TSHZ2: variants seen among roughly 807,000 people sequenced by gnomAD.
TSHZ2 encodes the protein teashirt homolog 2.
Under a neutral mutation model 74.4 loss-of-function variants are expected in TSHZ2, and 21 were observed. The ratio of observed to expected loss-of-function variants is 0.28; its 90% CI spans 0.20 to 0.41. The LOEUF is 0.41. Among genes scored for constraint, TSHZ2 ranks in the 10% least tolerant of loss-of-function variants. The probability of loss-of-function intolerance (pLI) is 1.00; values close to 1 mark genes in which losing one functional copy is unlikely to be tolerated. For synonymous variants in TSHZ2, 540 were observed against 515.3 expected (o/e 1.05, Z -0.65); for missense variants, 1,244 against 1,293.5 (o/e 0.96, Z 0.59).
At chr20:53,162,045 C>A (rs1210743929) in intron 1 of TSHZ2, among the ~76,000 whole-genome samples, 1 of 152,160 alleles carries the variant, frequency 6.6e-6, no homozygotes, top group East Asian at 1.9e-4. Context: ...AACCTCAACC[C>A]TTGTCATCTG....
intron 1 of TSHZ2, among the ~76,000 whole-genome samples, chr20:53,066,211 T>A (rs1984979769): frequency 6.6e-6 from 1 of 152,084 alleles, no homozygotes; most frequent in African/African-American, 2.4e-5. Context: ...TGCTCTTGAA[T>A]CGCCAAACTC....
At chr20:53,059,793 C>A (rs183400971) in intron 1 of TSHZ2, among the ~76,000 whole-genome samples, 3 of 152,272 alleles carry the variant, frequency 2.0e-5, no homozygotes, top group Non-Finnish European at 4.4e-5. Flanking sequence ...AGAACTAAAG[C>A]GACTGTCTTT....
At chr20:53,427,653 T>C (rs1040320725) in intron 2 of TSHZ2, among the ~76,000 whole-genome samples, 3 of 152,210 alleles carry the variant, frequency 2.0e-5, no homozygotes, top group East Asian at 1.9e-4. Context: ...ATAGCTAAGT[T>C]TGAATAAGAG....
intron 1 of TSHZ2, among the ~76,000 whole-genome samples, chr20:53,087,022 G>C (rs13040883): frequency 0.23 from 35,356 of 152,120 alleles, 5,069 homozygotes; most frequent in Non-Finnish European, 0.32. Flanking sequence ...GCCAAGCATG[G>C]CTCTGCGGAG....
At chr20:53,225,232 A>G (rs947526677) in intron 1 of TSHZ2, among the ~76,000 whole-genome samples, 3 of 152,182 alleles carry the variant, frequency 2.0e-5, no homozygotes, top group Admixed American at 6.5e-5. Flanking sequence ...TTGAAGGCAG[A>G]CCCACTCTTC....
At chr20:53,251,188 T>G (rs11697104) in intron 1 of TSHZ2, among the ~76,000 whole-genome samples, 38,835 of 151,974 alleles carry the variant, frequency 0.26, 5,211 homozygotes, top group Non-Finnish European at 0.28. Flanking sequence ...GTCACATGTC[T>G]TAGTTGGCCT....
intron 1 of TSHZ2, 68 bp downstream of exon 1, chr20:52,973,401 T>TG: frequency 6.5e-7 from 1 of 1,536,354 alleles, no homozygotes; most frequent in South Asian, 1.2e-5. Flanking sequence ...TCCTTGCCCC[T>TG]GGGTGCCCGG....
At chr20:53,253,380 A>G in intron 1 of TSHZ2, 119 bp from the exon 2 acceptor site, 1 of 1,475,966 alleles carries the variant, frequency 6.8e-7, no homozygotes, top group Non-Finnish European at 8.9e-7. Context: ...CACAGTGCAT[A>G]AAAATGTAGA....
At chr20:53,083,838 AT>A (rs11483186) in intron 1 of TSHZ2, among the ~76,000 whole-genome samples, 19 of 151,858 alleles carry the variant, frequency 1.3e-4, no homozygotes, top group South Asian at 2.1e-4. Context: ...GGGAATGTCT[AT>A]TTTTTTTATA....
At chr20:53,105,085 A>G (rs1986325004) in intron 1 of TSHZ2, among the ~76,000 whole-genome samples, 1 of 152,332 alleles carries the variant, frequency 6.6e-6, no homozygotes, top group Non-Finnish European at 1.5e-5. Context: ...AGTAGTCAAA[A>G]GAGAGTCACT....
At chr20:53,186,849 T>G (rs920867431) in intron 1 of TSHZ2, among the ~76,000 whole-genome samples, 2 of 152,036 alleles carry the variant, frequency 1.3e-5, no homozygotes, top group African/African-American at 4.8e-5. Flanking sequence ...AATCTAAACA[T>G]GAAAGCTTGT....
intron 1 of TSHZ2, among the ~76,000 whole-genome samples, chr20:53,135,321 C>T (rs761331379): frequency 1.3e-5 from 2 of 152,168 alleles, no homozygotes; most frequent in Admixed American, 6.5e-5. Context: ...TACCCTACTC[C>T]CGGTCAACCT....
At chr20:53,343,283 A>T (rs1274924856) in intron 2 of TSHZ2, among the ~76,000 whole-genome samples, 67 of 152,086 alleles carry the variant, frequency 4.4e-4, no homozygotes, top group Non-Finnish European at 1.6e-4. Flanking sequence ...CGTATTTCTA[A>T]CAAGACGGCA....
At chr20:53,187,956 C>A (rs1037344304) in intron 1 of TSHZ2, among the ~76,000 whole-genome samples, 1 of 152,144 alleles carries the variant, frequency 6.6e-6, no homozygotes, top group Admixed American at 6.5e-5. Context: ...ACATGGCTCA[C>A]CCTCTCCATA....
chr20:53,084,909 G>A (rs770172528), intron 1 of TSHZ2, among the ~76,000 whole-genome samples: 1 of 151,998 alleles, frequency 6.6e-6, no homozygotes, highest in Non-Finnish European at 1.5e-5. Flanking sequence ...TTTCTGTGTA[G>A]ACATTAATAA....
At chr20:53,458,400 G>T (rs1471265438) in intron 2 of TSHZ2, among the ~76,000 whole-genome samples, 1 of 152,052 alleles carries the variant, frequency 6.6e-6, no homozygotes, top group Non-Finnish European at 1.5e-5. Context: ...GGGATCAGTG[G>T]TGATATCCCC....
At chr20:53,093,074 C>A (rs1985933036) in intron 1 of TSHZ2, among the ~76,000 whole-genome samples, 1 of 152,188 alleles carries the variant, frequency 6.6e-6, no homozygotes, top group South Asian at 2.1e-4. Flanking sequence ...CAGACCTGAG[C>A]CACATCCTGG....
chr20:53,132,514 A>T (rs995087545), intron 1 of TSHZ2, among the ~76,000 whole-genome samples: 6 of 152,072 alleles, frequency 3.9e-5, no homozygotes, highest in African/African-American at 1.2e-4. Flanking sequence ...TCCTGACCTC[A>T]GTTGATCTGC....
intron 1 of TSHZ2, among the ~76,000 whole-genome samples, chr20:53,170,762 A>G (rs1358955771): frequency 6.6e-6 from 1 of 152,174 alleles, no homozygotes; most frequent in Non-Finnish European, 1.5e-5. Context: ...ATGAAAGGGC[A>G]TTGGTTTGTC....
Sources: gnomAD v4.1 joint callset for allele counts (sites outside exome capture counted in the v4.1 genomes callset) on GRCh38, gnomAD v4.1.1 for gene constraint, MANE v1.5 for transcripts, NCBI Gene and HGNC (gene_info 2026-07-23, HGNC 2026-07-21) for gene names.